Variants in PPARD observed in about 807,000 individuals in gnomAD.
The protein encoded by PPARD is peroxisome proliferator activated receptor delta.
In PPARD, 6 loss-of-function variants were observed where a neutral mutation model predicts 39.5. The observed-to-expected ratio is 0.15, with a 90% confidence interval of 0.08 to 0.30. The LOEUF (loss-of-function observed/expected upper bound fraction) is 0.30, where lower values mean the gene tolerates loss of function less well. Ranked by LOEUF, PPARD falls within the 10% of genes least tolerant of loss-of-function variation. The pLI, the probability that PPARD is intolerant of heterozygous loss-of-function variation, is 1.00. For synonymous variants in PPARD, 210 were observed against 231.3 expected (o/e 0.91, Z 0.83); for missense variants, 397 against 596.8 (o/e 0.67, Z 3.49).
rs1762592800 is a variant in PPARD at position 35,373,126 on chromosome 6, T to G, written c.-102+25976T>G. 2.0e-5 allele frequency among the ~76,000 whole-genome samples: 3 copies of G among 152,136 alleles called. No individual in the cohort carries two copies. The South Asian group carries it at 6.2e-4, about 32-fold the overall frequency. ...TGGCCCAGCTAGTTCCCTGGAGCCC[T>G]TTTATAAGAGCACTAATCCGTTCCT... On this transcript the variant is annotated intron_variant, in intron 2 of 7. Transcript: ENST00000360694.
rs565063681 is a variant in PPARD at position 35,377,477 on chromosome 6, A to C, written c.-102+30327A>C. Among the ~76,000 whole-genome samples, 9 of 152,292 alleles carry C rather than the reference A, an allele frequency of 5.9e-5. No homozygotes were observed. The East Asian group carries it at 1.5e-3, about 26-fold the overall frequency. On this transcript the variant is annotated intron_variant, in intron 2 of 7. Transcript: ENST00000360694. Reference sequence around the variant, plus strand: ...CATAAACTTAGCTCTTAAATTTTACACTTCAGCAAATTGAACTATTTGCAT... The same window carrying C: ...CATAAACTTAGCTCTTAAATTTTACCCTTCAGCAAATTGAACTATTTGCAT...
intron 3 of PPARD, among the ~76,000 whole-genome samples, 195 bp downstream of exon 3, chr6:35,411,412 A>G (rs1267022564): frequency 1.3e-5 from 2 of 152,240 alleles, no homozygotes; most frequent in Non-Finnish European, 2.9e-5. Flanking sequence ...GGCCTGGAGC[A>G]AGCTGCACCA....
At chr6:35,382,692 G>C (rs73411797) in intron 2 of PPARD, among the ~76,000 whole-genome samples, 4,034 of 152,242 alleles carry the variant, frequency 0.026, 68 homozygotes, top group Middle Eastern at 0.054. Context: ...TAAGGAGTTT[G>C]AAAGTGTCAG....
chr6:35,350,612 C>CTTTTTTTTTT (rs959545502), intron 2 of PPARD, among the ~76,000 whole-genome samples: 3 of 104,554 alleles, frequency 2.9e-5, no homozygotes, highest in Non-Finnish European at 5.6e-5. Flanking sequence ...GTCTATGTGT[C>CTTTTTTTTTT]TTTTTTTTTT....
At chr6:35,344,411 A>T (rs573571406) in intron 1 of PPARD, among the ~76,000 whole-genome samples, 1 of 151,752 alleles carries the variant, frequency 6.6e-6, no homozygotes, top group African/African-American at 2.4e-5. Flanking sequence ...AGTCACATAG[A>T]TCATCTTCTC....
intron 1 of PPARD, 32 bp from the exon 2 acceptor site, chr6:35,347,035 C>G: frequency 7.0e-7 from 1 of 1,422,686 alleles, no homozygotes. Flanking sequence ...CACCTGTCAG[C>G]TAAAGCTGTT....
intron 1 of PPARD, among the ~76,000 whole-genome samples, chr6:35,343,973 G>A (rs978688031): frequency 7.5e-5 from 11 of 147,330 alleles, no homozygotes; most frequent in Admixed American, 2.0e-4. Context: ...TCTGTGTACT[G>A]GCTCCAGAAC....
rs904914823 is a variant in PPARD at position 35,414,181 on chromosome 6, T to C, written c.130+2964T>C. 2.6e-5 allele frequency among the ~76,000 whole-genome samples: 4 copies of C among 152,158 alleles called. No homozygotes were observed. In the East Asian group the frequency reaches 5.8e-4, roughly 22 times the overall value. The stretch of plus-strand genomic sequence containing the variant: ...ATATGGTGGAATACTCTGGAGTCAT[T>C]GAAAAGGATAAGGCTGGTTTATATA... On this transcript the variant is annotated intron_variant, in intron 3 of 7. Transcript: ENST00000360694.
Position 35,425,032 on chromosome 6 carries a change from G to T in PPARD, c.1078+253G>T, listed in dbSNP as rs1766477498. The T allele has an allele frequency of 7.7e-7, 1 of 1,305,336 alleles. No individual in the cohort carries two copies. The highest frequency in any genetic ancestry group is 9.8e-7 in the Non-Finnish European group (1 of 1,022,342). 80.9% of individuals were successfully genotyped at this position (1,305,336 alleles called of 1,614,324 possible). ...TCACACCTGTAATCCCAGCACTTTG[G>T]CAGGCCGAGGCGGGTGGATCACTTG... On this transcript the variant is annotated intron_variant, in intron 7 of 7. Coordinates refer to ENST00000360694, the MANE Select transcript of PPARD (RefSeq NM_006238.5). This position sits in a 1 kb window ranked among gnomAD's most constrained non-coding sequence, Gnocchi z 4.5.
chr6:35,354,847 T>C (rs1174506256), intron 2 of PPARD, among the ~76,000 whole-genome samples: 2 of 152,214 alleles, frequency 1.3e-5, no homozygotes, highest in Non-Finnish European at 2.9e-5. Flanking sequence ...GGAACATTTG[T>C]AGCCATTTCA....
At chr6:35,393,863 TGGAAAG>T (rs995777714) in intron 2 of PPARD, among the ~76,000 whole-genome samples, 7 of 152,158 alleles carry the variant, frequency 4.6e-5, no homozygotes, top group African/African-American at 7.2e-5. Flanking sequence ...GGCATGCACT[TGGAAAG>T]GGACAGGAGG....
chr6:35,389,931 C>A (rs1011384787), intron 2 of PPARD, among the ~76,000 whole-genome samples: 2 of 152,200 alleles, frequency 1.3e-5, no homozygotes, highest in African/African-American at 4.8e-5. Context: ...TCCACTCTTA[C>A]AGTCATTGGA....
chr6:35,359,358 T>C (rs1761802905), intron 2 of PPARD, among the ~76,000 whole-genome samples: 1 of 152,182 alleles, frequency 6.6e-6, no homozygotes, highest in South Asian at 2.1e-4. Flanking sequence ...CCCATCATAC[T>C]TAGGGACTAC....
intron 4 of PPARD, 108 bp downstream of exon 4, chr6:35,420,389 T>C: frequency 7.2e-7 from 1 of 1,398,068 alleles, no homozygotes; most frequent in Non-Finnish European, 9.4e-7. Flanking sequence ...ACTGTACCTA[T>C]TGCAGAATTC....
intron 2 of PPARD, among the ~76,000 whole-genome samples, chr6:35,362,375 C>T (rs1283218013): frequency 1.3e-5 from 2 of 151,520 alleles, no homozygotes; most frequent in Admixed American, 1.3e-4. Context: ...TCTTACTCTG[C>T]CTCTCCCCAT....
At chr6:35,391,462 GTGC>G (rs1446308440) in intron 2 of PPARD, among the ~76,000 whole-genome samples, 7 of 152,228 alleles carry the variant, frequency 4.6e-5, no homozygotes, top group Admixed American at 3.9e-4. Flanking sequence ...TAGATGAGGT[GTGC>G]TTCCTGTTGC....
rs2150519115 is a variant in PPARD, at chr6:35,366,476, A to G, written c.-102+19326A>G. On this transcript the variant is annotated intron_variant, in intron 2 of 7. Coordinates refer to ENST00000360694, the MANE Select transcript of PPARD (RefSeq NM_006238.5). This position sits in a 1 kb window ranked among gnomAD's most constrained non-coding sequence, Gnocchi z 4.6. ...ATGCTAGAGGGGTCAAAATGGAGAG[A>G]GATACACAGGCAGAGGCCTAGATTA... is the stretch of plus-strand genomic sequence containing the variant. 6.6e-6 allele frequency among the ~76,000 whole-genome samples: 1 copy of G among 151,796 alleles called. No individual in the cohort carries two copies. Among genetic ancestry groups the G allele is most frequent in the East Asian group, 1.9e-4 (1 of 5,192 alleles).
chr6:35,383,978 G>A (rs1763353009), intron 2 of PPARD, among the ~76,000 whole-genome samples: 1 of 140,250 alleles, frequency 7.1e-6, no homozygotes, highest in African/African-American at 3.2e-5. Flanking sequence ...AGCCCCATCC[G>A]GGAGGGAGGT....
At position 35,425,011 on chromosome 6, in the gene PPARD, A is replaced by G; in HGVS notation, c.1078+232A>G. ...GACTAAGCCAGACGTGGTGGCTCAC[A>G]CCTGTAATCCCAGCACTTTGGCAGG... On this transcript the variant is annotated intron_variant, in intron 7 of 7. Transcript: ENST00000360694. This position sits in a 1 kb window ranked among gnomAD's most constrained non-coding sequence, Gnocchi z 4.5. 7.3e-7 allele frequency: 1 copy of G among 1,375,822 alleles called. No individual in the cohort carries two copies. Among genetic ancestry groups the G allele is most frequent in the Non-Finnish European group, 9.4e-7 (1 of 1,064,354 alleles). The allele number at this position is 1,375,822 out of a possible 1,614,324, so 85.2% of individuals were successfully genotyped here. A position where few individuals can be genotyped will look rare whatever the true frequency, so the allele number is the denominator to read the frequency against.
Sources: allele counts gnomAD v4.1 joint callset (sites outside exome capture counted in the v4.1 genomes callset), GRCh38; gene constraint gnomAD v4.1.1; non-coding constraint Gnocchi (gnomAD v3.1); transcripts MANE v1.5; gene names NCBI Gene and HGNC (gene_info 2026-07-23, HGNC 2026-07-21).